UGT1A10: variants seen among roughly 807,000 people sequenced by gnomAD.
UGT1A10 encodes the protein UDP glucuronosyltransferase family 1 member A10.
Under a neutral mutation model 45.8 loss-of-function variants are expected in UGT1A10, and 49 were observed. The observed-to-expected ratio is 1.07, with a 90% CI of 0.85 to 1.36. UGT1A10 has a LOEUF of 1.36. Among genes scored for constraint, UGT1A10 ranks in the 40% most tolerant of loss-of-function variants. UGT1A10 has a pLI of 0.00. For synonymous variants in UGT1A10, 284 were observed against 249.7 expected, an observed-to-expected ratio of 1.14 and a Z score of -1.29; for missense variants, 745 against 668.6, an observed-to-expected ratio of 1.11 and a Z score of -1.26.
At chr2:233,672,599 G>GT (rs773814470) in intron 1 of UGT1A10, 4 of 1,613,822 alleles carry the variant, frequency 2.5e-6, no homozygotes, top group Non-Finnish European at 3.4e-6. Context: ...TTATGCCACC[G>GT]TTTTTTCAAA....
At position 233,743,108 on chromosome 2, in the gene UGT1A10, C is replaced by G. The variant is rs1240722532; in HGVS notation, c.856-23926C>G. ...TTATAAATTCTTGGGTACAGCTGTT[C>G]TGAAAGTAAAGTTCACTTTCAATCC... On this transcript the variant is annotated intron_variant, in intron 1 of 4. Transcript: ENST00000344644. The G allele has an allele frequency of 4.8e-5, 17 of 354,252 alleles. No homozygotes were observed. The East Asian group carries it at 6.6e-4, about 14-fold the overall frequency. The allele number at this position is 354,252 out of a possible 1,614,324, so 21.9% of individuals were successfully genotyped here.
chr2:233,636,509 G>A lies in UGT1A10; in HGVS notation c.-14G>A. 1 of 1,606,034 alleles carries A rather than the reference G, an allele frequency of 6.2e-7. No individual in the cohort carries two copies. Among genetic ancestry groups the A allele is most frequent in the African/African-American group, 1.3e-5 (1 of 74,882 alleles). ...CTTAGAATCCCAGCTGCTGGCTCGG[G>A]CTGCAGTTCTCTCATGGCTCGCGCA... On this transcript the variant is annotated 5_prime_UTR_variant, in exon 1 of 5. Coordinates refer to ENST00000344644, the MANE Select transcript of UGT1A10 (RefSeq NM_019075.4).
In UGT1A10 at chr2:233,672,149, G is replaced by A. The variant is rs780369746; in HGVS notation, c.855+34772G>A. The A allele has an allele frequency of 2.3e-5, 37 of 1,614,088 alleles. No individual in the cohort carries two copies. The East Asian group carries it at 8.0e-4, about 35-fold the overall frequency. On this transcript the variant is annotated intron_variant, in intron 1 of 4. Transcript: ENST00000344644. ...TGGCAACTGGGAAGATCACTGAATTGCACAGTGAAGACTTATTCAACTTCA... is the reference window on the plus strand; with the variant it reads ...TGGCAACTGGGAAGATCACTGAATTACACAGTGAAGACTTATTCAACTTCA...
rs28934877 is a variant in UGT1A10 at position 233,768,333 on chromosome 2, A to G, written c.1189A>G (p.Asn397Asp). The G allele has an allele frequency of 9.9e-6, 16 of 1,614,100 alleles. No homozygotes were observed. The highest frequency in any genetic ancestry group is 1.2e-5 in the Non-Finnish European group (14 of 1,180,052). Residue 397 changes from asparagine (N) to aspartate (D), a missense_variant, in exon 4 of 5, where the codon AAT becomes GAT. Coordinates refer to ENST00000344644, the MANE Select transcript of UGT1A10 (RefSeq NM_019075.4). Reference sequence around the variant, plus strand: ...GCCCTTGTTTGGTGATCAGATGGACAATGCAAAGCGCATGGAGACTAAGGG... The same window carrying G: ...GCCCTTGTTTGGTGATCAGATGGACGATGCAAAGCGCATGGAGACTAAGGG... ...MMPLFGDQMD[N>D]AKRMETKGAG...
chr2:233,641,323 T>G (rs761879962), intron 1 of UGT1A10, among the ~76,000 whole-genome samples: 4 of 152,186 alleles, frequency 2.6e-5, no homozygotes, highest in Non-Finnish European at 5.9e-5. Context: ...CTTATAAACC[T>G]TATTTTAACC....
intron 1 of UGT1A10, chr2:233,681,993 C>T: frequency 6.2e-7 from 1 of 1,614,172 alleles, no homozygotes; most frequent in South Asian, 1.1e-5. Flanking sequence ...CTACTGCTGA[C>T]CTGTGGCTTT....
chr2:233,759,397 G>A (rs1263018819), intron 1 of UGT1A10, among the ~76,000 whole-genome samples: 10 of 152,128 alleles, frequency 6.6e-5, no homozygotes, highest in East Asian at 5.8e-4. Context: ...CAGAGTAACC[G>A]TGTGACCTGT....
At chr2:233,679,176 AT>A (rs2074442925) in intron 1 of UGT1A10, among the ~76,000 whole-genome samples, 3 of 152,166 alleles carry the variant, frequency 2.0e-5, no homozygotes, top group Admixed American at 1.3e-4. Context: ...CACGTAGACC[AT>A]TTTGACACCT....
At chr2:233,661,939 A>G (rs2073979463) in intron 1 of UGT1A10, among the ~76,000 whole-genome samples, 1 of 152,090 alleles carries the variant, frequency 6.6e-6, no homozygotes, top group South Asian at 2.1e-4. Flanking sequence ...TTACTGTGAT[A>G]CACAATTTAC....
chr2:233,749,095 G>A (rs535774350), intron 1 of UGT1A10, among the ~76,000 whole-genome samples: 9 of 151,904 alleles, frequency 5.9e-5, no homozygotes, highest in Admixed American at 5.2e-4. Context: ...TGTATTTCAT[G>A]AGAGAATTCA....
intron 1 of UGT1A10, among the ~76,000 whole-genome samples, chr2:233,664,793 G>A (rs1388830994): frequency 3.3e-5 from 5 of 152,110 alleles, no homozygotes; most frequent in African/African-American, 7.2e-5. Context: ...AAATATCCAA[G>A]CTATAACACT....
intron 1 of UGT1A10, among the ~76,000 whole-genome samples, chr2:233,735,497 T>A (rs1029127614): frequency 3.9e-5 from 6 of 152,204 alleles, no homozygotes; most frequent in African/African-American, 1.4e-4. Flanking sequence ...ATTGCAGCAT[T>A]TAGCCCATTT....
chr2:233,744,959 A>G (rs1028128963), intron 1 of UGT1A10, among the ~76,000 whole-genome samples: 2 of 151,812 alleles, frequency 1.3e-5, no homozygotes, highest in African/African-American at 4.9e-5. Context: ...TAACCTACCA[A>G]TATCCTTCTT....
At chr2:233,719,800 G>A (rs528409094) in intron 1 of UGT1A10, 47 of 1,602,562 alleles carry the variant, frequency 2.9e-5, no homozygotes, top group South Asian at 6.7e-5. Flanking sequence ...TTTTATTTTG[G>A]CTTCTTTATA....
chr2:233,700,683 T>C (rs940558980), intron 1 of UGT1A10, among the ~76,000 whole-genome samples: 1 of 152,164 alleles, frequency 6.6e-6, no homozygotes, highest in Non-Finnish European at 1.5e-5. Flanking sequence ...TTCGTGATAA[T>C]ATATAAACTA....
intron 1 of UGT1A10, chr2:233,760,705 C>T: frequency 1.2e-6 from 2 of 1,614,220 alleles, no homozygotes; most frequent in Non-Finnish European, 1.7e-6. Flanking sequence ...CATGGCCTCC[C>T]TGGCAGAAAG....
chr2:233,676,159 AC>A (rs2074349628), intron 1 of UGT1A10, among the ~76,000 whole-genome samples: 1 of 152,074 alleles, frequency 6.6e-6, no homozygotes. Flanking sequence ...AGACTCCAAA[AC>A]CATTTGTGGA....
intron 1 of UGT1A10, among the ~76,000 whole-genome samples, chr2:233,652,001 A>G (rs192360422): frequency 1.7e-4 from 26 of 152,348 alleles, no homozygotes; most frequent in African/African-American, 6.3e-4. Context: ...TAAGAAAAAA[A>G]AAAGGAATCA....
intron 1 of UGT1A10, among the ~76,000 whole-genome samples, chr2:233,654,073 T>C (rs1286183776): frequency 6.6e-6 from 1 of 152,200 alleles, no homozygotes; most frequent in African/African-American, 2.4e-5. Context: ...CATAAGTCTA[T>C]ACACAGTCTC....
Sources: allele counts gnomAD v4.1 joint callset (sites outside exome capture counted in the v4.1 genomes callset), GRCh38; gene constraint gnomAD v4.1.1; transcripts MANE v1.5; gene names NCBI Gene and HGNC (gene_info 2026-07-23, HGNC 2026-07-21).